Variants in BCAR3 observed in about 807,000 individuals in gnomAD.
BCAR3 encodes BCAR3 adaptor protein, NSP family member.
In BCAR3, 37 loss-of-function variants were observed where a neutral mutation model predicts 80.1. That is an observed-to-expected ratio of 0.46 (90% CI 0.36 to 0.61). The LOEUF (loss-of-function observed/expected upper bound fraction) is 0.61. Among genes scored for constraint, BCAR3 ranks in the 20% least tolerant of loss-of-function variants. The probability of loss-of-function intolerance (pLI) is 0.00; values close to 1 mark genes in which losing one functional copy is unlikely to be tolerated. For synonymous variants in BCAR3, 389 were observed against 418.9 expected (o/e 0.93, Z 0.87); for missense variants, 978 against 1,068.2 (o/e 0.92, Z 1.18).
chr1:93,682,580 G>A (rs930929407), upstream of BCAR3, among the ~76,000 whole-genome samples: 9 of 152,174 alleles, frequency 5.9e-5, no homozygotes, highest in Admixed American at 5.9e-4. Context: ...TCGAGACAGA[G>A]TTTCGGTCTT....
At chr1:93,715,023 A>C (rs1013149131) in intron 2 of BCAR3, among the ~76,000 whole-genome samples, 1 of 152,186 alleles carries the variant, frequency 6.6e-6, no homozygotes, top group African/African-American at 2.4e-5. Flanking sequence ...ACCTGTACAG[A>C]ATATTCATTC....
intron 3 of BCAR3, among the ~76,000 whole-genome samples, chr1:93,635,599 G>T (rs1219982375): frequency 2.6e-5 from 4 of 152,174 alleles, no homozygotes; most frequent in African/African-American, 4.8e-5. Flanking sequence ...AGTTGGATGG[G>T]AGCTCCCTTT....
chr1:93,716,293 C>T (rs1650184577), intron 2 of BCAR3, among the ~76,000 whole-genome samples: 2 of 152,222 alleles, frequency 1.3e-5, no homozygotes, highest in Non-Finnish European at 2.9e-5. Flanking sequence ...TCTGCATATT[C>T]TCACATCCAA....
At chr1:93,701,224 A>G (rs1404244330) in intron 3 of BCAR3, among the ~76,000 whole-genome samples, 1 of 152,250 alleles carries the variant, frequency 6.6e-6, no homozygotes, top group Non-Finnish European at 1.5e-5. Context: ...CACAGCGGTC[A>G]TCGTGAGGTC....
chr1:93,627,278 T>C (rs1675479947), intron 3 of BCAR3, among the ~76,000 whole-genome samples: 1 of 152,212 alleles, frequency 6.6e-6, no homozygotes, highest in Non-Finnish European at 1.5e-5. Flanking sequence ...GGGTAAAAGA[T>C]CCATTCAAAT....
In BCAR3 at chr1:93,728,750, G is replaced by A. The variant is rs149887295; in HGVS notation, c.-62-22608C>T. Among the ~76,000 whole-genome samples the A allele has an allele frequency of 1.1e-3, 172 of 152,168 alleles. 2 individuals are homozygous for A. Among genetic ancestry groups the A allele is most frequent in the African/African-American group, 4.0e-3 (166 of 41,494 alleles). On this transcript the variant is annotated intron_variant, in intron 2 of 13. Transcript: ENST00000370244. Reference sequence around the variant, plus strand: ...CTTCCCTCGACGTCCTCTTGACATCGAGCCACTTGTGTCTTCCTCCACCGA... The same window carrying A: ...CTTCCCTCGACGTCCTCTTGACATCAAGCCACTTGTGTCTTCCTCCACCGA...
At chr1:93,634,717 C>CA (rs369471301) in intron 3 of BCAR3, among the ~76,000 whole-genome samples, 8,073 of 128,712 alleles carry the variant, frequency 0.063, 286 homozygotes, top group Non-Finnish European at 0.087. Flanking sequence ...ACAACAACAA[C>CA]AACAAAAAAA....
chr1:93,563,867 T>C (rs1341169965), intron 11 of BCAR3, among the ~76,000 whole-genome samples: 1 of 152,136 alleles, frequency 6.6e-6, no homozygotes, highest in East Asian at 1.9e-4. Context: ...TAATTTTTTG[T>C]ATTTTCAGTA....
At chr1:93,618,944 T>G (rs11164951) in intron 3 of BCAR3, among the ~76,000 whole-genome samples, 5,887 of 150,760 alleles carry the variant, frequency 0.039, 147 homozygotes, top group East Asian at 0.14. Flanking sequence ...TTTTTGTTTT[T>G]TTTTTTTTAA....
chr1:93,582,333 T>C lies in BCAR3; in HGVS notation c.1654A>G (p.Ile552Val), dbSNP rs1459354785. The change falls in exon 7 of 12, where the codon ATC becomes GTC. Residue 552 changes from isoleucine to valine, a missense_variant. Transcript: ENST00000260502. ...TCCATGCTCAGTACGTGCTGGGCGA[T>C]GACCTTGGGGTCGTTGTTGGTGAAC... is the stretch of plus-strand genomic sequence containing the variant. ...ELFTNNDPKV[I>V]AQHVLSMDCR... 6.2e-7 allele frequency: 1 copy of C among 1,614,228 alleles called. No homozygotes were observed. Among genetic ancestry groups the C allele is most frequent in the South Asian group, 1.1e-5 (1 of 91,082 alleles).
intron 2 of BCAR3, among the ~76,000 whole-genome samples, chr1:93,711,292 C>T (rs763076574): frequency 6.6e-6 from 1 of 152,190 alleles, no homozygotes; most frequent in African/African-American, 2.4e-5. Context: ...GCTTCCTTTC[C>T]CTTAAGATAT....
intron 3 of BCAR3, among the ~76,000 whole-genome samples, chr1:93,637,485 T>C (rs1675824417): frequency 6.6e-6 from 1 of 152,020 alleles, no homozygotes; most frequent in Admixed American, 6.6e-5. Flanking sequence ...TTAGTGCTGG[T>C]TGTGGGGGCA....
intron 2 of BCAR3, among the ~76,000 whole-genome samples, chr1:93,841,256 T>C (rs906594773): frequency 2.0e-5 from 3 of 152,256 alleles, no homozygotes; most frequent in African/African-American, 7.2e-5. Context: ...TCATTCATGC[T>C]CTGCTGTCTG....
chr1:93,703,879 C>A (rs559402746), intron 3 of BCAR3, among the ~76,000 whole-genome samples: 1 of 152,158 alleles, frequency 6.6e-6, no homozygotes, highest in Non-Finnish European at 1.5e-5. Flanking sequence ...CAGGGAGTGA[C>A]GAGTGCACGA....
In BCAR3 at chr1:93,699,566, C is replaced by A. The variant is rs142151965; in HGVS notation, c.-12+6526G>T. On this transcript the variant is annotated intron_variant, in intron 3 of 13. Transcript: ENST00000370244. ...TGATCATATACCGGCCTCAGTGATTCTCTCCTCCTCCCGGCCCCATGTCTT... is the reference window on the plus strand; with the variant it reads ...TGATCATATACCGGCCTCAGTGATTATCTCCTCCTCCCGGCCCCATGTCTT... Among the ~76,000 whole-genome samples the A allele has an allele frequency of 2.1e-3, 323 of 152,176 alleles. 1 individual carries two copies. Among genetic ancestry groups the A allele is most frequent in the African/African-American group, 7.6e-3 (315 of 41,498 alleles).
At chr1:93,749,326 C>T (rs1055615261) in intron 2 of BCAR3, among the ~76,000 whole-genome samples, 4 of 152,002 alleles carry the variant, frequency 2.6e-5, no homozygotes, top group African/African-American at 9.7e-5. Flanking sequence ...AGGTGGATCA[C>T]GCCTGTAATC....
At chr1:93,620,882 A>T (rs1223645498) in intron 3 of BCAR3, among the ~76,000 whole-genome samples, 1 of 152,192 alleles carries the variant, frequency 6.6e-6, no homozygotes, top group Non-Finnish European at 1.5e-5. Flanking sequence ...GTCCTCCCAG[A>T]TACTGCCTTC....
At chr1:93,614,794 C>T (rs1411107860) in intron 3 of BCAR3, among the ~76,000 whole-genome samples, 1 of 152,048 alleles carries the variant, frequency 6.6e-6, no homozygotes, top group Non-Finnish European at 1.5e-5. Context: ...CCTTTAAATC[C>T]TTCACTTTAA....
intron 2 of BCAR3, among the ~76,000 whole-genome samples, chr1:93,836,190 T>C (rs761703650): frequency 6.6e-6 from 1 of 152,196 alleles, no homozygotes; most frequent in Non-Finnish European, 1.5e-5. Context: ...TTTAAGCTCC[T>C]GTACGGACAC....
Sources: allele counts gnomAD v4.1 joint callset (sites outside exome capture counted in the v4.1 genomes callset), GRCh38; gene constraint gnomAD v4.1.1; transcripts MANE v1.5; gene names NCBI Gene and HGNC (gene_info 2026-07-23, HGNC 2026-07-21).